GDAP1: variants seen among roughly 807,000 people sequenced by gnomAD.
GDAP1 encodes ganglioside induced differentiation associated protein 1, also known as ganglioside-induced differentiation-associated protein 1.
In GDAP1, 34 loss-of-function variants were observed where a neutral mutation model predicts 40.1. That is an observed-to-expected ratio of 0.85 (90% CI 0.64 to 1.13). GDAP1 has a LOEUF of 1.13. Among genes scored for constraint, GDAP1 ranks in the 50% most tolerant of loss-of-function variants. The pLI is 0.00. For synonymous variants in GDAP1, 170 were observed against 157.4 expected, an observed-to-expected ratio of 1.08 and a Z score of -0.60; for missense variants, 374 against 433.7, an observed-to-expected ratio of 0.86 and a Z score of 1.22.
chr8:74,410,964 C>T (rs1296204153), intron 2 of GDAP1, among the ~76,000 whole-genome samples: 1 of 150,070 alleles, frequency 6.7e-6, no homozygotes, highest in Non-Finnish European at 1.5e-5. Flanking sequence ...CTGTAATCCC[C>T]AGGTGTTGAG....
intron 3 of GDAP1, among the ~76,000 whole-genome samples, chr8:74,361,400 C>T (rs999874749): frequency 1.3e-5 from 2 of 151,364 alleles, no homozygotes; most frequent in African/African-American, 4.9e-5. Context: ...TTGTTTTTTT[C>T]TTTTCTTTTT....
intron 2 of GDAP1, among the ~76,000 whole-genome samples, chr8:74,469,473 C>T (rs1806516271): frequency 6.6e-6 from 1 of 151,172 alleles, no homozygotes; most frequent in South Asian, 2.1e-4. Context: ...TGGAGACCAT[C>T]TTGGCTAACA....
intron 2 of GDAP1, among the ~76,000 whole-genome samples, chr8:74,477,771 C>T (rs1263862555): frequency 2.0e-5 from 3 of 152,126 alleles, no homozygotes; most frequent in Non-Finnish European, 4.4e-5. Flanking sequence ...TTCACATATA[C>T]CAGCAACAGT....
chr8:74,440,281 C>T (rs1806147224), intron 2 of GDAP1, among the ~76,000 whole-genome samples: 1 of 152,132 alleles, frequency 6.6e-6, no homozygotes, highest in African/African-American at 2.4e-5. Context: ...TAAATTTAAA[C>T]CTCAGTCCTC....
chr8:74,361,909 G>A lies in GDAP1; in HGVS notation c.510G>A (p.Glu170=), dbSNP rs1466561312. The A allele has an allele frequency of 1.2e-6, 2 of 1,606,772 alleles. No homozygotes were observed. The highest frequency in any genetic ancestry group is 2.2e-5 in the East Asian group (1 of 44,834). ...IRSQIGNTES[E]LKKLAEENPD... ...GCCAAATTGGAAACACAGAGTCTGA[G>A]CTGAAGAAACTTGCTGAAGAAAACC... The change falls in exon 4 of 6, where the codon GAG becomes GAA. Residue 170 remains glutamate (E), a synonymous_variant. Coordinates refer to ENST00000220822, the MANE Select transcript of GDAP1 (RefSeq NM_018972.4).
At chr8:74,356,396 C>G (rs1028490157) in intron 2 of GDAP1, among the ~76,000 whole-genome samples, 1 of 152,018 alleles carries the variant, frequency 6.6e-6, no homozygotes, top group African/African-American at 2.4e-5. Flanking sequence ...AAAGTCTTAA[C>G]TGTAATACCA....
At chr8:74,474,562 T>G (rs775303072) in intron 2 of GDAP1, among the ~76,000 whole-genome samples, 2 of 152,240 alleles carry the variant, frequency 1.3e-5, no homozygotes, top group African/African-American at 2.4e-5. Context: ...ATGTGGTTTT[T>G]GTTGTTAGTT....
At chr8:74,477,126 G>A (rs1806639828) in intron 2 of GDAP1, among the ~76,000 whole-genome samples, 1 of 152,082 alleles carries the variant, frequency 6.6e-6, no homozygotes, top group African/African-American at 2.4e-5. Context: ...GTGTTTTTCA[G>A]CTCTATCAAG....
chr8:74,470,936 C>T (rs563143236), intron 2 of GDAP1, among the ~76,000 whole-genome samples: 100 of 152,266 alleles, frequency 6.6e-4, no homozygotes, highest in South Asian at 2.3e-3. Flanking sequence ...TTTTAATGAT[C>T]GCCATTCTAA....
chr8:74,385,179 T>TTTA (rs960348081), intron 2 of GDAP1, among the ~76,000 whole-genome samples: 6 of 152,044 alleles, frequency 3.9e-5, no homozygotes, highest in Non-Finnish European at 7.4e-5. Context: ...TATAGATCTT[T>TTTA]TTATTATTAT....
At chr8:74,422,580 C>T (rs1805892393) in intron 2 of GDAP1, among the ~76,000 whole-genome samples, 1 of 144,230 alleles carries the variant, frequency 6.9e-6, no homozygotes, top group African/African-American at 2.6e-5. Context: ...CAAATAGATG[C>T]AAAATCTTTT....
intron 2 of GDAP1, among the ~76,000 whole-genome samples, chr8:74,379,148 G>GAGGAAAGGGTACT (rs1563451986): frequency 2.0e-5 from 3 of 151,978 alleles, no homozygotes; most frequent in Admixed American, 2.0e-4. Context: ...TTCAGGGTCC[G>GAGGAAAGGGTACT]ACTCAGGCTT....
At chr8:74,362,405 G>C (rs990049784) in intron 4 of GDAP1, among the ~76,000 whole-genome samples, 2 of 152,040 alleles carry the variant, frequency 1.3e-5, no homozygotes, top group Non-Finnish European at 2.9e-5. Context: ...ACTATTGCAA[G>C]CTTCTCTCAT....
intron 2 of GDAP1, chr8:74,376,873 C>T (rs1471411785): frequency 6.6e-6 from 1 of 152,058 alleles, no homozygotes; most frequent in Non-Finnish European, 1.5e-5. Context: ...ATCAATGGCA[C>T]AGAATAGAGA....
chr8:74,450,815 TG>T lies in GDAP1; in HGVS notation c.166-37862del, dbSNP rs1461546177. The stretch of plus-strand genomic sequence containing the variant: ...TGTCCACCGTTTCCTATTGTTTATT[TG>T]AATAATGTATTTTTTTTCCTTTTTA... On this transcript the variant is annotated intron_variant, in intron 2 of 2. Coordinates refer to the GDAP1 transcript ENST00000523640. Among the ~76,000 whole-genome samples the T allele has an allele frequency of 1.4e-4, 2 of 13,872 alleles. 1 individual carries two copies. The highest frequency in any genetic ancestry group is 2.4e-4 in the Non-Finnish European group (2 of 8,332). 9.1% of individuals were successfully genotyped at this position (13,872 alleles called of 152,430 possible). A position where few individuals can be genotyped will look rare whatever the true frequency, so the allele number is the denominator to read the frequency against.
At chr8:74,429,063 C>T (rs927639017) in intron 2 of GDAP1, among the ~76,000 whole-genome samples, 5 of 152,024 alleles carry the variant, frequency 3.3e-5, no homozygotes, top group African/African-American at 1.2e-4. Flanking sequence ...TTTATGGCTG[C>T]ATAGTATTCC....
intron 2 of GDAP1, among the ~76,000 whole-genome samples, chr8:74,422,284 C>CT (rs1307896506): frequency 1.1e-5 from 1 of 88,042 alleles, no homozygotes; most frequent in African/African-American, 3.9e-5. Context: ...TTTCTTTTTT[C>CT]TTTTCTTTCT....
chr8:74,398,087 G>T (rs934837724), intron 2 of GDAP1, among the ~76,000 whole-genome samples: 55 of 151,812 alleles, frequency 3.6e-4, no homozygotes, highest in African/African-American at 1.2e-3. Context: ...TTGTAAGCTG[G>T]ATTCCTAGGT....
chr8:74,469,169 T>C (rs534399499), intron 2 of GDAP1, among the ~76,000 whole-genome samples: 1 of 152,298 alleles, frequency 6.6e-6, no homozygotes, highest in Non-Finnish European at 1.5e-5. Context: ...AATGTACTGC[T>C]AAAATAACAC....
Sources: allele counts gnomAD v4.1 joint callset (sites outside exome capture counted in the v4.1 genomes callset), GRCh38; gene constraint gnomAD v4.1.1; transcripts MANE v1.5; gene names NCBI Gene and HGNC (gene_info 2026-07-23, HGNC 2026-07-21).